The following CRTC3 variants were observed in gnomAD, a reference collection of about 807,000 sequenced individuals.
CRTC3 encodes CREB regulated transcription coactivator 3, also known as CREB-regulated transcription coactivator 3.
A neutral mutation model predicts 74.5 loss-of-function variants in CRTC3; 26 were observed. The ratio of observed to expected loss-of-function variants is 0.35; its 90% CI spans 0.26 to 0.48. CRTC3 has a LOEUF of 0.48. Among genes scored for constraint, CRTC3 ranks in the 20% least tolerant of loss-of-function variants. The pLI is 0.99. For missense variants in CRTC3, 760 were observed against 787.3 expected, an observed-to-expected ratio of 0.97 and a Z score of 0.41; for synonymous variants, 377 against 325.8, an observed-to-expected ratio of 1.16 and a Z score of -1.69.
chr15:90,557,932 G>T (rs141613452), intron 2 of CRTC3, among the ~76,000 whole-genome samples: 1 of 151,966 alleles, frequency 6.6e-6, no homozygotes, highest in African/African-American at 2.4e-5. Flanking sequence ...GATTGAAATC[G>T]TGCCCTGAAA....
chr15:90,609,096 A>G (rs1047203463), intron 6 of CRTC3, among the ~76,000 whole-genome samples: 1 of 152,222 alleles, frequency 6.6e-6, no homozygotes, highest in African/African-American at 2.4e-5. Context: ...ATTTCTTTGT[A>G]TATAGCAGGG....
At position 90,638,798 on chromosome 15, in the gene CRTC3, C is replaced by A; in HGVS notation, c.1531C>A (p.Pro511Thr). The A allele has an allele frequency of 6.2e-7, 1 of 1,614,038 alleles. No homozygotes were observed. Among genetic ancestry groups the A allele is most frequent in the Non-Finnish European group, 8.5e-7 (1 of 1,179,938 alleles). Residue 511 changes from proline (P) to threonine (T), a missense_variant, in exon 13 of 15, where the codon CCT becomes ACT. This residue lies in a region of CRTC3 where 652 missense variants were observed against 635.2 expected (regional missense o/e 1.03). Coordinates refer to ENST00000268184, the MANE Select transcript of CRTC3 (RefSeq NM_022769.5). Reference protein sequence around the residue: ...GFDQQSMRPGPAFPQQVPLVQ... With the variant: ...GFDQQSMRPGTAFPQQVPLVQ... ...TGACCAGCAGTCCATGAGGCCAGGC[C>A]CTGCCTTTCCTCAACAGGTGGGTGA...
intron 9 of CRTC3, among the ~76,000 whole-genome samples, chr15:90,622,576 C>T (rs990117580): frequency 6.6e-6 from 1 of 152,206 alleles, no homozygotes; most frequent in South Asian, 2.1e-4. Flanking sequence ...TCAGGCTGGG[C>T]GCAGTGGCTC....
chr15:90,558,958 G>A (rs1391645894), intron 2 of CRTC3, among the ~76,000 whole-genome samples: 1 of 151,906 alleles, frequency 6.6e-6, no homozygotes, highest in Non-Finnish European at 1.5e-5. Context: ...CACCATGTTG[G>A]CCAGGATGGT....
intron 11 of CRTC3, among the ~76,000 whole-genome samples, chr15:90,631,355 C>T (rs1302577448): frequency 1.3e-5 from 2 of 152,168 alleles, no homozygotes; most frequent in Admixed American, 1.3e-4. Flanking sequence ...CCTCCTGCCT[C>T]AGCTGGGATT....
intron 2 of CRTC3, among the ~76,000 whole-genome samples, chr15:90,582,044 C>A (rs561918141): frequency 6.6e-6 from 1 of 152,188 alleles, no homozygotes; most frequent in South Asian, 2.1e-4. Flanking sequence ...CTAGGCCGGA[C>A]TCCTGCCACT....
At chr15:90,575,346 C>T (rs113876001) in intron 2 of CRTC3, among the ~76,000 whole-genome samples, 36 of 152,132 alleles carry the variant, frequency 2.4e-4, no homozygotes, top group Admixed American at 1.6e-3. Context: ...GATGAAACTC[C>T]GTCTCAAAAA....
intron 4 of CRTC3, among the ~76,000 whole-genome samples, chr15:90,602,633 TAA>T: frequency 7.0e-6 from 1 of 142,558 alleles, no homozygotes; most frequent in African/African-American, 2.7e-5. Flanking sequence ...CGCCATCTCT[TAA>T]AAACAAACAA....
chr15:90,530,161 G>A lies in CRTC3; in HGVS notation c.90G>A (p.Thr30=). Reference sequence around the variant, plus strand: ...ACACGCAGAGACAGGCCGAGGAGACGCGGGCCTTCGAGCAGCTCATGACCG... The same window carrying A: ...ACACGCAGAGACAGGCCGAGGAGACACGGGCCTTCGAGCAGCTCATGACCG... ...ALHTQRQAEE[T]RAFEQLMTDL... Residue 30 remains threonine (T), a synonymous_variant, in exon 1 of 15, where the codon ACG becomes ACA. Transcript: ENST00000268184. This position sits in a 1 kb window ranked among gnomAD's most constrained non-coding sequence, Gnocchi z 6.2. 7.0e-7 allele frequency: 1 copy of A among 1,433,700 alleles called. No individual in the cohort carries two copies. The highest frequency in any genetic ancestry group is 9.3e-7 in the Non-Finnish European group (1 of 1,076,924). 88.8% of individuals were successfully genotyped at this position (1,433,700 alleles called of 1,614,324 possible). A position where few individuals can be genotyped will look rare whatever the true frequency, so the allele number is the denominator to read the frequency against.
At chr15:90,551,248 C>A (rs1966855676) in intron 2 of CRTC3, among the ~76,000 whole-genome samples, 1 of 152,004 alleles carries the variant, frequency 6.6e-6, no homozygotes, top group Non-Finnish European at 1.5e-5. Flanking sequence ...AAGTACTAAG[C>A]AAAAGTCAGT....
intron 2 of CRTC3, among the ~76,000 whole-genome samples, chr15:90,589,265 C>T (rs1967742064): frequency 6.6e-6 from 1 of 152,096 alleles, no homozygotes; most frequent in African/African-American, 2.4e-5. Context: ...CCGTGTTGAC[C>T]AGGCTGGTCT....
chr15:90,566,329 C>T (rs1179604259), intron 2 of CRTC3, among the ~76,000 whole-genome samples: 3 of 152,000 alleles, frequency 2.0e-5, no homozygotes, highest in Admixed American at 6.6e-5. Flanking sequence ...GTGGGTGGAT[C>T]GCTTGAGGTC....
intron 2 of CRTC3, among the ~76,000 whole-genome samples, chr15:90,573,188 T>G (rs1216641565): frequency 3.3e-5 from 5 of 152,204 alleles, no homozygotes; most frequent in Non-Finnish European, 7.3e-5. Flanking sequence ...TCACTTAGCA[T>G]AATGGGTAGA....
chr15:90,588,251 C>A (rs1161935759), intron 2 of CRTC3, among the ~76,000 whole-genome samples: 1 of 121,586 alleles, frequency 8.2e-6, no homozygotes, highest in Non-Finnish European at 1.8e-5. Context: ...CAGAGTGCGA[C>A]TCTGTCTCAA....
rs370236044 is a variant in CRTC3 at position 90,614,447 on chromosome 15, C to T, written c.578-6C>T. ...TTTTCTTTTTTTCTTTTTCCTTTCC[C>T]GCTAGGTTTCTGTGATGGTGAGAAT... On this transcript the variant is annotated splice_polypyrimidine_tract_variant and splice_region_variant and intron_variant, in intron 6 of 14. Transcript: ENST00000268184. 9.4e-5 allele frequency: 151 copies of T among 1,604,674 alleles called. 1 individual carries two copies. The highest frequency in any genetic ancestry group is 2.9e-4 in the African/African-American group (22 of 74,702).
At chr15:90,641,619 C>T (rs1458856623) in intron 14 of CRTC3, among the ~76,000 whole-genome samples, 1 of 151,696 alleles carries the variant, frequency 6.6e-6, no homozygotes, top group Non-Finnish European at 1.5e-5. Context: ...ATGGCACCAA[C>T]CCAGGAGGTG....
intron 2 of CRTC3, 148 bp from the exon 3 acceptor site, chr15:90,593,488 C>T: frequency 1.3e-6 from 1 of 745,924 alleles, no homozygotes; most frequent in East Asian, 2.6e-5. Flanking sequence ...CCATATACTA[C>T]TTTATTTACC....
At chr15:90,639,188 G>T (rs958357226) in intron 13 of CRTC3, among the ~76,000 whole-genome samples, 4 of 152,118 alleles carry the variant, frequency 2.6e-5, no homozygotes, top group African/African-American at 4.8e-5. Flanking sequence ...AGAAGGTGGC[G>T]CCGCATTTGG....
At chr15:90,537,260 A>T (rs1030518189) in intron 1 of CRTC3, among the ~76,000 whole-genome samples, 11 of 152,196 alleles carry the variant, frequency 7.2e-5, no homozygotes, top group Non-Finnish European at 1.6e-4. Context: ...AGAGCTTTAC[A>T]TTTGACATAC....
Sources: allele counts gnomAD v4.1 joint callset (sites outside exome capture counted in the v4.1 genomes callset), GRCh38; gene constraint gnomAD v4.1.1; regional missense constraint gnomAD v4.1.1; non-coding constraint Gnocchi (gnomAD v3.1); transcripts MANE v1.5; gene names NCBI Gene and HGNC (gene_info 2026-07-23, HGNC 2026-07-21).